DCBLD2: variants seen among roughly 807,000 people sequenced by gnomAD.
DCBLD2 encodes the protein discoidin, CUB and LCCL domain-containing protein 2.
A neutral mutation model predicts 86.8 loss-of-function variants in DCBLD2; 54 were observed. The observed-to-expected ratio is 0.62, with a 90% CI of 0.50 to 0.78. DCBLD2 has a LOEUF of 0.78. Ranked by LOEUF, DCBLD2 falls within the 30% of genes least tolerant of loss-of-function variation. The probability of loss-of-function intolerance (pLI) is 0.00; values close to 1 mark genes in which losing one functional copy is unlikely to be tolerated. For synonymous variants in DCBLD2, 354 were observed against 341.3 expected (o/e 1.04, Z -0.41); for missense variants, 908 against 954.2 (o/e 0.95, Z 0.64).
intron 1 of DCBLD2, among the ~76,000 whole-genome samples, chr3:98,883,642 C>T (rs1943512274): frequency 1.3e-5 from 2 of 152,150 alleles, no homozygotes; most frequent in Non-Finnish European, 2.9e-5. Context: ...TACTGTTCAG[C>T]ATTCCATAAC....
intron 2 of DCBLD2, among the ~76,000 whole-genome samples, chr3:98,869,926 T>C (rs1943227209): frequency 6.6e-6 from 1 of 152,248 alleles, no homozygotes; most frequent in African/African-American, 2.4e-5. Context: ...TGGAGTGCTA[T>C]AAATAGGATA....
chr3:98,888,609 T>C (rs1219882988), intron 1 of DCBLD2, among the ~76,000 whole-genome samples: 1 of 152,022 alleles, frequency 6.6e-6, no homozygotes, highest in Non-Finnish European at 1.5e-5. Flanking sequence ...TCAATAAATA[T>C]TTGTGAGTAC....
At chr3:98,879,983 G>A (rs1319006841) in intron 2 of DCBLD2, among the ~76,000 whole-genome samples, 1 of 152,162 alleles carries the variant, frequency 6.6e-6, no homozygotes, top group Non-Finnish European at 1.5e-5. Context: ...GCATCTGCAG[G>A]AGACATCTAC....
At chr3:98,841,307 C>G (rs898733895) in intron 3 of DCBLD2, among the ~76,000 whole-genome samples, 1 of 152,116 alleles carries the variant, frequency 6.6e-6, no homozygotes, top group African/African-American at 2.4e-5. Context: ...TTTCCTAAGA[C>G]AGTTGCAAAC....
intron 12 of DCBLD2, among the ~76,000 whole-genome samples, chr3:98,809,030 T>C (rs1941888346): frequency 6.6e-6 from 1 of 151,982 alleles, no homozygotes; most frequent in African/African-American, 2.4e-5. Context: ...CATATATATA[T>C]ATATGGGAAG....
chr3:98,799,846 G>A lies in DCBLD2; in HGVS notation c.1859-5C>T. ...CTACCAGTGGCTGAGCATACTCTGT[G>A]GATATCACAAAACAACAGAAAAGTC... On this transcript the variant is annotated splice_polypyrimidine_tract_variant and splice_region_variant and intron_variant, in intron 15 of 15. Coordinates refer to ENST00000326840, the MANE Select transcript of DCBLD2 (RefSeq NM_080927.4). The A allele has an allele frequency of 6.3e-7, 1 of 1,591,294 alleles. No homozygotes were observed. The highest frequency in any genetic ancestry group is 1.3e-5 in the African/African-American group (1 of 74,242).
chr3:98,800,352 T>C (rs926729234), intron 15 of DCBLD2, among the ~76,000 whole-genome samples: 1 of 152,196 alleles, frequency 6.6e-6, no homozygotes, highest in African/African-American at 2.4e-5. Flanking sequence ...ACATACATAA[T>C]GCCCAGAGTC....
chr3:98,810,750 A>AT (rs1293029911), intron 12 of DCBLD2, among the ~76,000 whole-genome samples: 3 of 152,190 alleles, frequency 2.0e-5, no homozygotes, highest in African/African-American at 7.2e-5. Context: ...AACTATGAGT[A>AT]TTTTTTAACA....
intron 3 of DCBLD2, among the ~76,000 whole-genome samples, chr3:98,837,841 C>T (rs1942501774): frequency 1.4e-5 from 2 of 145,016 alleles, no homozygotes; most frequent in African/African-American, 5.2e-5. Flanking sequence ...ACCTCCCTCC[C>T]GGACGGGGCG....
chr3:98,815,111 TGA>T (rs141454522), intron 9 of DCBLD2: 22 of 148,682 alleles, frequency 1.5e-4, no homozygotes, highest in South Asian at 4.2e-4. Context: ...ATAGAGTGAG[TGA>T]GAGAGAGAGA....
intron 5 of DCBLD2, 146 bp from the exon 6 acceptor site, chr3:98,822,507 C>T (rs1249075542): frequency 1.6e-6 from 2 of 1,285,818 alleles, no homozygotes; most frequent in African/African-American, 1.5e-5. Context: ...TACTGTAACA[C>T]AACAGTTTTA....
intron 2 of DCBLD2, among the ~76,000 whole-genome samples, chr3:98,862,507 A>G (rs1201697758): frequency 2.0e-5 from 3 of 152,356 alleles, no homozygotes; most frequent in Middle Eastern, 6.8e-3. Context: ...AGCACATCAA[A>G]AAGTTTATCC....
chr3:98,850,520 AAAAG>A (rs1482098701), intron 2 of DCBLD2, among the ~76,000 whole-genome samples: 5 of 152,236 alleles, frequency 3.3e-5, no homozygotes, highest in South Asian at 2.1e-4. Flanking sequence ...TACTAAGATA[AAAAG>A]AAAGAAGAAG....
At chr3:98,899,934 AT>A (rs1395694042) in intron 1 of DCBLD2, among the ~76,000 whole-genome samples, 1 of 152,184 alleles carries the variant, frequency 6.6e-6, no homozygotes, top group African/African-American at 2.4e-5. Flanking sequence ...GGAAAGAAGG[AT>A]TTCACACTTT....
At chr3:98,849,115 G>A (rs1252018056) in intron 3 of DCBLD2, among the ~76,000 whole-genome samples, 1 of 148,858 alleles carries the variant, frequency 6.7e-6, no homozygotes, top group Non-Finnish European at 1.5e-5. Flanking sequence ...ATTGCGGTGA[G>A]CCGAGATCAC....
intron 2 of DCBLD2, among the ~76,000 whole-genome samples, chr3:98,852,435 C>A (rs979490346): frequency 6.6e-6 from 1 of 152,010 alleles, no homozygotes; most frequent in Non-Finnish European, 1.5e-5. Context: ...TTATTAGAGA[C>A]AGGGTTTCAC....
rs148259542 is a variant in DCBLD2 at position 98,841,086 on chromosome 3, T to C, written c.571+8375A>G. Among the ~76,000 whole-genome samples the C allele has an allele frequency of 7.8e-3, 1,181 of 152,310 alleles. 27 individuals are homozygous for C. Among genetic ancestry groups the C allele is most frequent in the African/African-American group, 0.027 (1,127 of 41,566 alleles). ...GTTTAACCCAAAGGAAGTGTAACCA[T>C]AGTATCTATAAAAAGAGTTTCTATC... On this transcript the variant is annotated intron_variant, in intron 3 of 15. Transcript: ENST00000326840.
rs149526147 is a variant in DCBLD2 at position 98,840,903 on chromosome 3, T to C, written c.571+8558A>G. On this transcript the variant is annotated intron_variant, in intron 3 of 15. Coordinates refer to ENST00000326840, the MANE Select transcript of DCBLD2 (RefSeq NM_080927.4). ...ATTACTGCACGAAGTATCACACATA[T>C]GGTACACTTCATTTGGGTGTTGTAG... Among the ~76,000 whole-genome samples, 651 of 152,304 alleles carry C rather than the reference T, an allele frequency of 4.3e-3. 3 individuals carry two copies. Among genetic ancestry groups the C allele is most frequent in the African/African-American group, 0.014 (590 of 41,548 alleles).
At chr3:98,801,568 T>C in intron 14 of DCBLD2, 32 bp downstream of exon 14, 3 of 1,587,718 alleles carry the variant, frequency 1.9e-6, no homozygotes, top group Non-Finnish European at 1.7e-6. Flanking sequence ...ATCCCTCTGA[T>C]AGAAATGAGA....
Sources: allele counts gnomAD v4.1 joint callset (sites outside exome capture counted in the v4.1 genomes callset), GRCh38; gene constraint gnomAD v4.1.1; transcripts MANE v1.5; gene names NCBI Gene and HGNC (gene_info 2026-07-23, HGNC 2026-07-21).